ATP13A5: variants seen among roughly 807,000 people sequenced by gnomAD.
ATP13A5 encodes probable cation-transporting ATPase 13A5.
A neutral mutation model predicts 150.2 loss-of-function variants in ATP13A5; 149 were observed. That is an observed-to-expected ratio of 0.99 (90% confidence interval 0.87 to 1.14). The LOEUF (loss-of-function observed/expected upper bound fraction) is 1.14. Ranked by LOEUF, ATP13A5 falls within the 50% of genes most tolerant of loss-of-function variation. ATP13A5 has a pLI of 0.00. For missense variants in ATP13A5, 1,383 were observed against 1,449.3 expected (o/e 0.95, Z 0.74); for synonymous variants, 497 against 522.2 (o/e 0.95, Z 0.66).
At position 193,364,155 on chromosome 3, in the gene ATP13A5, G is replaced by A. The variant is rs1031767668; in HGVS notation, c.189C>T (p.Cys63=). 6.2e-7 allele frequency: 1 copy of A among 1,614,046 alleles called. No homozygotes were observed. Among genetic ancestry groups the A allele is most frequent in the South Asian group, 1.1e-5 (1 of 91,076 alleles). ...WRPQWRVWAN[C]IPCPLQEADT... is the part of the protein sequence containing the mutation. ...CTGCTTCTTGCAAGGGGCATGGGAT[G>A]CAGTTGGCCCACACTCTCCACTGGG... Residue 63 remains cysteine, a synonymous_variant, in exon 2 of 30, where the codon TGC becomes TGT. Coordinates refer to ENST00000342358, the MANE Select transcript of ATP13A5 (RefSeq NM_198505.4).
At chr3:193,361,295 C>T (rs1310587419) in intron 5 of ATP13A5, among the ~76,000 whole-genome samples, 1 of 152,126 alleles carries the variant, frequency 6.6e-6, no homozygotes, top group African/African-American at 2.4e-5. Context: ...TTGTCCTAGT[C>T]CAGATGTCTG....
chr3:193,346,721 A>C (rs138779711), intron 7 of ATP13A5, among the ~76,000 whole-genome samples: 30 of 152,226 alleles, frequency 2.0e-4, no homozygotes, highest in Middle Eastern at 3.4e-3. Flanking sequence ...AACATAATGA[A>C]CCCAGCGTTA....
chr3:193,311,513 C>A (rs1376973561), intron 20 of ATP13A5, among the ~76,000 whole-genome samples: 2 of 152,116 alleles, frequency 1.3e-5, no homozygotes, highest in Non-Finnish European at 2.9e-5. Context: ...TCAAAACAAG[C>A]ACCGTGTTTG....
chr3:193,371,026 G>T (rs970367413), intron 1 of ATP13A5, among the ~76,000 whole-genome samples: 1 of 152,144 alleles, frequency 6.6e-6, no homozygotes, highest in African/African-American at 2.4e-5. Context: ...TAGTCCTCCT[G>T]CAAGTGAAAG....
At chr3:193,317,580 C>T (rs1327338755) in intron 17 of ATP13A5, among the ~76,000 whole-genome samples, 1 of 152,116 alleles carries the variant, frequency 6.6e-6, no homozygotes, top group Non-Finnish European at 1.5e-5. Flanking sequence ...TCTACTTCCC[C>T]ATTATGACTC....
intron 27 of ATP13A5, among the ~76,000 whole-genome samples, chr3:193,283,935 A>T (rs1348106822): frequency 6.6e-6 from 1 of 150,704 alleles, no homozygotes; most frequent in Non-Finnish European, 1.5e-5. Context: ...ATAGTGTCTC[A>T]CTTCACTCCT....
chr3:193,314,924 T>A, intron 18 of ATP13A5, 48 bp downstream of exon 18: 1 of 1,598,802 alleles, frequency 6.3e-7, no homozygotes, highest in South Asian at 1.1e-5. Context: ...CTTGTTCTTA[T>A]GCCTAGGATA....
intron 17 of ATP13A5, among the ~76,000 whole-genome samples, chr3:193,315,414 T>C (rs1259809637): frequency 6.6e-6 from 1 of 152,226 alleles, no homozygotes; most frequent in Non-Finnish European, 1.5e-5. Flanking sequence ...TTTTTTAATT[T>C]CTCAGTGCTT....
chr3:193,290,164 A>G, intron 25 of ATP13A5, 105 bp from the exon 26 acceptor site: 2 of 1,142,678 alleles, frequency 1.8e-6, no homozygotes, highest in Non-Finnish European at 1.2e-6. Flanking sequence ...GATTCAGACT[A>G]AGCAAACACG....
chr3:193,366,442 G>A lies in ATP13A5; in HGVS notation c.64-2162C>T, dbSNP rs577238245. 3.9e-5 allele frequency among the ~76,000 whole-genome samples: 6 copies of A among 152,064 alleles called. No individual in the cohort carries two copies. The South Asian group carries it at 6.2e-4, about 16-fold the overall frequency. ...CAAACAGTGGAAGAAAGCTGATATC[G>A]CTGTATTACTATCACACAAATTATA... On this transcript the variant is annotated intron_variant, in intron 1 of 29. Transcript: ENST00000342358.
intron 23 of ATP13A5, among the ~76,000 whole-genome samples, chr3:193,304,541 A>T (rs1331847877): frequency 6.6e-6 from 1 of 152,218 alleles, no homozygotes; most frequent in African/African-American, 2.4e-5. Flanking sequence ...TGGTTTTCAG[A>T]TCACTGCCCA....
At chr3:193,340,744 T>G (rs903973587) in intron 9 of ATP13A5, among the ~76,000 whole-genome samples, 2 of 152,252 alleles carry the variant, frequency 1.3e-5, no homozygotes, top group East Asian at 3.8e-4. Context: ...ATTTATTTAT[T>G]AAGACAATAG....
intron 1 of ATP13A5, among the ~76,000 whole-genome samples, chr3:193,365,926 A>C (rs1395947054): frequency 6.6e-6 from 1 of 152,122 alleles, no homozygotes; most frequent in Non-Finnish European, 1.5e-5. Context: ...TTTTTTAGGA[A>C]AAGTAAGGTG....
intron 17 of ATP13A5, among the ~76,000 whole-genome samples, chr3:193,318,483 C>T (rs148203469): frequency 3.3e-5 from 5 of 152,274 alleles, no homozygotes; most frequent in African/African-American, 9.6e-5. Flanking sequence ...TTTTATTTCT[C>T]ATAAGTAATT....
At chr3:193,318,923 G>C (rs1719152215) in intron 17 of ATP13A5, 68 bp downstream of exon 17, 2 of 1,086,904 alleles carry the variant, frequency 1.8e-6, no homozygotes, top group South Asian at 2.6e-5. Flanking sequence ...CTGTTCATCT[G>C]TTCATCTCCA....
intron 18 of ATP13A5, among the ~76,000 whole-genome samples, chr3:193,314,744 G>A (rs1718983447): frequency 6.6e-6 from 1 of 152,170 alleles, no homozygotes; most frequent in African/African-American, 2.4e-5. Context: ...ATCCTGGCTG[G>A]GAGGGGTAGT....
Position 193,354,206 on chromosome 3 carries a change from A to G in ATP13A5, c.537-10T>C, listed in dbSNP as rs374276074. ...CCCACACACTAATCTTCTGCGGGAA[A>G]TTGATCATCCATTAGTGTCATAGCT... On this transcript the variant is annotated splice_polypyrimidine_tract_variant and intron_variant, in intron 5 of 29. Coordinates refer to ENST00000342358, the MANE Select transcript of ATP13A5 (RefSeq NM_198505.4). The G allele has an allele frequency of 1.1e-5, 18 of 1,609,368 alleles. No individual in the cohort carries two copies. The highest frequency in any genetic ancestry group is 1.5e-5 in the Non-Finnish European group (18 of 1,178,598).
chr3:193,327,059 T>C lies in ATP13A5; in HGVS notation c.1462-2A>G. 6.2e-7 allele frequency: 1 copy of C among 1,603,156 alleles called. No individual in the cohort carries two copies. Among genetic ancestry groups the C allele is most frequent in the Non-Finnish European group, 8.5e-7 (1 of 1,177,498 alleles). ...CCCATCTTCAGTGAGAGTGCCAGTCTGAGTAAAAATTAAAAGCAATATTAG... is the reference window on the plus strand; with the variant it reads ...CCCATCTTCAGTGAGAGTGCCAGTCCGAGTAAAAATTAAAAGCAATATTAG... On this transcript the variant is annotated splice_acceptor_variant, in intron 12 of 29. Transcript: ENST00000342358. LOFTEE classifies it high-confidence loss of function.
rs367913282 is a variant in ATP13A5 at position 193,344,044 on chromosome 3, G to C, written c.826C>G (p.Leu276Val). 6.2e-7 allele frequency: 1 copy of C among 1,613,128 alleles called. No individual in the cohort carries two copies. The highest frequency in any genetic ancestry group is 8.5e-7 in the Non-Finnish European group (1 of 1,179,402). ...CCGGGAACCAAGAGACGGGATTCCA[G>C]CTCCTCCAAACCTACACCAAAGCAA... Reference protein sequence around the residue: ...IIVKDKGLEELESRLLVPGDI... With the variant: ...IIVKDKGLEEVESRLLVPGDI... The change falls in exon 9 of 30, where the codon CTG becomes GTG. Residue 276 changes from leucine to valine, a missense_variant. Leu to Val is a conservative substitution (Grantham distance 32). Around this residue, in one of 3 missense-constraint regions of ATP13A5, gnomAD observed 787 missense variants for 771.9 expected, o/e 1.02. Coordinates refer to ENST00000342358, the MANE Select transcript of ATP13A5 (RefSeq NM_198505.4).
Sources: allele counts gnomAD v4.1 joint callset (sites outside exome capture counted in the v4.1 genomes callset), GRCh38; gene constraint gnomAD v4.1.1; regional missense constraint gnomAD v4.1.1; transcripts MANE v1.5; gene names NCBI Gene and HGNC (gene_info 2026-07-23, HGNC 2026-07-21).